The following PPP2R5E variants were observed in gnomAD, a reference collection of about 807,000 sequenced individuals.
PPP2R5E encodes the protein serine/threonine-protein phosphatase 2A 56 kDa regulatory subunit epsilon isoform.
PPP2R5E carries 4 observed loss-of-function variants against 65.3 expected under a neutral mutation model. That is an observed-to-expected ratio of 0.06 (90% CI 0.03 to 0.14). PPP2R5E has a LOEUF of 0.14. Among genes scored for constraint, PPP2R5E ranks in the 10% least tolerant of loss-of-function variants. The probability of loss-of-function intolerance (pLI) is 1.00; values close to 1 mark genes in which losing one functional copy is unlikely to be tolerated. For synonymous variants in PPP2R5E, 183 were observed against 187.4 expected (o/e 0.98, Z 0.19); for missense variants, 274 against 556.1 (o/e 0.49, Z 5.10).
At chr14:63,494,205 T>A (rs973611195) in intron 2 of PPP2R5E, among the ~76,000 whole-genome samples, 2 of 152,110 alleles carry the variant, frequency 1.3e-5, no homozygotes, top group Non-Finnish European at 2.9e-5. Flanking sequence ...AACTACTTAT[T>A]CATACCTTAG....
intron 2 of PPP2R5E, among the ~76,000 whole-genome samples, chr14:63,460,028 T>G (rs536878628): frequency 6.6e-6 from 1 of 152,196 alleles, no homozygotes; most frequent in Admixed American, 6.5e-5. Flanking sequence ...ATACACGTTT[T>G]TTAAAGGTTC....
rs569779823 is a variant in PPP2R5E at position 63,432,302 on chromosome 14, G to A, written c.355-10208C>T. ...CTGCTTACTGCTGTTAGAAGCAGTC[G>A]GAGTATTTAGCTGATAATTGTTATG... On this transcript the variant is annotated intron_variant, in intron 3 of 13. Coordinates refer to ENST00000337537, the MANE Select transcript of PPP2R5E (RefSeq NM_006246.5). 1.1e-4 allele frequency among the ~76,000 whole-genome samples: 17 copies of A among 152,234 alleles called. No individual in the cohort carries two copies. In the South Asian group the frequency reaches 2.7e-3, roughly 24 times the overall value.
chr14:63,456,310 C>T (rs938846961), intron 2 of PPP2R5E, among the ~76,000 whole-genome samples: 1 of 152,150 alleles, frequency 6.6e-6, no homozygotes, highest in African/African-American at 2.4e-5. Flanking sequence ...TGCAATAGTA[C>T]TCAAGAGATT....
chr14:63,456,768 C>G (rs1267631302), intron 2 of PPP2R5E, among the ~76,000 whole-genome samples: 3 of 152,192 alleles, frequency 2.0e-5, no homozygotes, highest in Non-Finnish European at 4.4e-5. Flanking sequence ...TACCCTATTC[C>G]AGAACACAGG....
chr14:63,395,114 G>T, intron 7 of PPP2R5E, 112 bp downstream of exon 7: 3 of 819,882 alleles, frequency 3.7e-6, no homozygotes, highest in South Asian at 1.7e-5. Context: ...AAATGAGAGA[G>T]ACCCAATGTA....
At chr14:63,528,073 A>G (rs1414580660) in intron 2 of PPP2R5E, among the ~76,000 whole-genome samples, 1 of 152,158 alleles carries the variant, frequency 6.6e-6, no homozygotes, top group Non-Finnish European at 1.5e-5. Context: ...AAGTTTTCAA[A>G]AAAAAAACCT....
chr14:63,459,536 T>G (rs1386656864), intron 2 of PPP2R5E, among the ~76,000 whole-genome samples: 1 of 152,140 alleles, frequency 6.6e-6, no homozygotes, highest in Non-Finnish European at 1.5e-5. Flanking sequence ...TCAATGCACA[T>G]AAGCAAATAA....
chr14:63,510,804 G>A (rs1399540197), intron 2 of PPP2R5E, among the ~76,000 whole-genome samples: 1 of 152,228 alleles, frequency 6.6e-6, no homozygotes, highest in African/African-American at 2.4e-5. Flanking sequence ...TTGAACAGAG[G>A]AGTGACATAA....
At chr14:63,376,207 A>G in intron 13 of PPP2R5E, 99 bp from the exon 14 acceptor site, 1 of 750,570 alleles carries the variant, frequency 1.3e-6, no homozygotes, top group Non-Finnish European at 2.1e-6. Flanking sequence ...CTTTATACTT[A>G]GCTTAATTGA....
intron 5 of PPP2R5E, among the ~76,000 whole-genome samples, chr14:63,408,412 C>T (rs1295821077): frequency 2.0e-5 from 3 of 152,066 alleles, no homozygotes; most frequent in Admixed American, 6.6e-5. Flanking sequence ...TTTATTCATT[C>T]GTTTATTTGG....
intron 2 of PPP2R5E, among the ~76,000 whole-genome samples, chr14:63,520,064 C>T (rs1323302230): frequency 3.3e-5 from 5 of 151,338 alleles, no homozygotes; most frequent in African/African-American, 1.2e-4. Context: ...GAAACGGAGT[C>T]TCGCTCTGTC....
chr14:63,409,387 A>T (rs1305347869), intron 5 of PPP2R5E, among the ~76,000 whole-genome samples: 1 of 152,222 alleles, frequency 6.6e-6, no homozygotes, highest in Non-Finnish European at 1.5e-5. Flanking sequence ...AGCCTGGGCA[A>T]CAGAGCAAGA....
chr14:63,486,977 ATACAAT>A (rs1411718181), intron 2 of PPP2R5E, among the ~76,000 whole-genome samples: 1 of 152,230 alleles, frequency 6.6e-6, no homozygotes, highest in Non-Finnish European at 1.5e-5. Context: ...CTTGAATTAT[ATACAAT>A]TATATTTGCA....
chr14:63,428,881 A>AAT (rs1887478993), intron 3 of PPP2R5E, among the ~76,000 whole-genome samples: 1 of 152,208 alleles, frequency 6.6e-6, no homozygotes, highest in South Asian at 2.1e-4. Context: ...TTTCCATAGA[A>AAT]ATTACTAATT....
rs372506078 is a variant in PPP2R5E at position 63,448,221 on chromosome 14, C to G, written c.354+5468G>C. Reference sequence around the variant, plus strand: ...CTGAGGCAGGAGACTGGTGTGAACCCCGGAGGCAGAGCTTGCAATGAGCCG... The same window carrying G: ...CTGAGGCAGGAGACTGGTGTGAACCGCGGAGGCAGAGCTTGCAATGAGCCG... On this transcript the variant is annotated intron_variant, in intron 3 of 13. Transcript: ENST00000337537. Among the ~76,000 whole-genome samples the G allele has an allele frequency of 1.7e-4, 26 of 151,996 alleles. No homozygotes were observed. In the East Asian group the frequency reaches 5.1e-3, roughly 30 times the overall value.
chr14:63,453,946 CTG>C (rs1417554636), intron 2 of PPP2R5E, 61 bp from the exon 3 acceptor site: 4 of 1,285,748 alleles, frequency 3.1e-6, no homozygotes, highest in Non-Finnish European at 4.1e-6. Context: ...CAGGAATTCT[CTG>C]TGAAAGTTAC....
chr14:63,484,028 A>G (rs1294254426), intron 2 of PPP2R5E, among the ~76,000 whole-genome samples: 3 of 149,964 alleles, frequency 2.0e-5, no homozygotes, highest in Non-Finnish European at 3.0e-5. Flanking sequence ...AGGTTGCAGT[A>G]AGCCGAGATC....
At chr14:63,426,842 A>G (rs553269793) in intron 3 of PPP2R5E, among the ~76,000 whole-genome samples, 1 of 152,272 alleles carries the variant, frequency 6.6e-6, no homozygotes, top group East Asian at 1.9e-4. Flanking sequence ...AAATCAGGTC[A>G]TCCATGGATG....
At chr14:63,508,692 C>T (rs953843898) in intron 2 of PPP2R5E, among the ~76,000 whole-genome samples, 3 of 152,222 alleles carry the variant, frequency 2.0e-5, no homozygotes, top group African/African-American at 7.2e-5. Context: ...CCCTTCCTCT[C>T]GTAAGAAGCC....
Sources: gnomAD v4.1 joint callset for allele counts (sites outside exome capture counted in the v4.1 genomes callset) on GRCh38, gnomAD v4.1.1 for gene constraint, MANE v1.5 for transcripts, NCBI Gene and HGNC (gene_info 2026-07-23, HGNC 2026-07-21) for gene names.